KCTD1: variants seen among roughly 807,000 people sequenced by gnomAD.
KCTD1 encodes BTB/POZ domain-containing protein KCTD1.
KCTD1 carries 24 observed loss-of-function variants against 66.0 expected under a neutral mutation model. The ratio of observed to expected loss-of-function variants is 0.36; its 90% CI spans 0.26 to 0.51. The LOEUF (loss-of-function observed/expected upper bound fraction) is 0.51. KCTD1 is among the 20% of genes least tolerant of loss of function. KCTD1 has a pLI of 0.95. For synonymous variants in KCTD1, 511 were observed against 517.2 expected (o/e 0.99, Z 0.16); for missense variants, 943 against 1,205.2 (o/e 0.78, Z 3.22).
At chr18:26,583,729 C>T (rs192840566) in intron 1 of KCTD1, among the ~76,000 whole-genome samples, 9 of 152,256 alleles carry the variant, frequency 5.9e-5, no homozygotes, top group South Asian at 2.1e-4. Context: ...TTTCAGCTAT[C>T]GTTTTGATGA....
intron 2 of KCTD1, among the ~76,000 whole-genome samples, chr18:26,485,022 T>C (rs1981844982): frequency 6.6e-6 from 1 of 152,196 alleles, no homozygotes; most frequent in Admixed American, 6.5e-5. Context: ...GGCACAGTCC[T>C]TCAGTCATGT....
chr18:26,630,986 C>A (rs116084105), upstream of KCTD1, among the ~76,000 whole-genome samples: 1,039 of 152,316 alleles, frequency 6.8e-3, 12 homozygotes, highest in African/African-American at 0.023. Flanking sequence ...ATCCTCCCTA[C>A]ACTTATATAT....
intron 3 of KCTD1, among the ~76,000 whole-genome samples, chr18:26,474,110 T>C (rs1250967315): frequency 6.6e-6 from 1 of 152,224 alleles, no homozygotes; most frequent in Non-Finnish European, 1.5e-5. Context: ...AATAGAAACA[T>C]ACTATACATA....
At chr18:26,566,594 C>A (rs1985985880) in intron 1 of KCTD1, 1 of 152,116 alleles carries the variant, frequency 6.6e-6, no homozygotes, top group African/African-American at 2.4e-5. Flanking sequence ...CTTGACAAAT[C>A]CATTTGGGAA....
At chr18:26,606,546 G>A (rs776344737) in intron 1 of KCTD1, among the ~76,000 whole-genome samples, 4 of 152,174 alleles carry the variant, frequency 2.6e-5, no homozygotes, top group African/African-American at 7.2e-5. Flanking sequence ...TTCTGAGTGA[G>A]AGCCTAAAGA....
In KCTD1 at chr18:26,619,910, CTG is replaced by C. The variant is rs536083671; in HGVS notation, c.-16+9235_-16+9236del. 1.1e-3 allele frequency among the ~76,000 whole-genome samples: 162 copies of C among 152,296 alleles called. 1 individual carries two copies. Among genetic ancestry groups the C allele is most frequent in the African/African-American group, 3.8e-3 (160 of 41,570 alleles). ...GCCTTCTCATTTAAATCACTTTCAA[CTG>C]TGTTTCCTGTTACTTTCAGCCAAAA... On this transcript the variant is annotated intron_variant, in intron 1 of 4. Coordinates refer to the KCTD1 transcript ENST00000317932.
chr18:26,600,591 A>G (rs2144968851), intron 1 of KCTD1, among the ~76,000 whole-genome samples: 1 of 152,120 alleles, frequency 6.6e-6, no homozygotes, highest in East Asian at 1.9e-4. Context: ...ACCTCATGTT[A>G]AGAGAAGGGA....
At chr18:26,631,974 C>T (rs1207870187), upstream of KCTD1, among the ~76,000 whole-genome samples, 3 of 151,938 alleles carry the variant, frequency 2.0e-5, no homozygotes, top group Admixed American at 1.3e-4. Flanking sequence ...GGTGTGAACC[C>T]GGCAGGCGGA....
chr18:26,552,987 CTTTTTTTT>C (rs773910506), upstream of KCTD1, among the ~76,000 whole-genome samples: 8 of 137,194 alleles, frequency 5.8e-5, no homozygotes, highest in Admixed American at 4.4e-4. Flanking sequence ...CTTTTTCTTT[CTTTTTTTT>C]TTTTTTTTCT....
Position 26,455,007 on chromosome 18 carries a change from C to T in KCTD1, c.*736G>A, listed in dbSNP as rs563634613. 6.6e-6 allele frequency: 1 copy of T among 152,630 alleles called. No homozygotes were observed. Among genetic ancestry groups the T allele is most frequent in the Non-Finnish European group, 1.5e-5 (1 of 68,052 alleles). 9.5% of individuals were successfully genotyped at this position (152,630 alleles called of 1,614,324 possible). A position where few individuals can be genotyped will look rare whatever the true frequency, so the allele number is the denominator to read the frequency against. ...TAAACAGAGTTTATTGTATTTAATACATTATAAAATTTGAAAAATTGTAGG... is the reference window on the plus strand; with the variant it reads ...TAAACAGAGTTTATTGTATTTAATATATTATAAAATTTGAAAAATTGTAGG... On this transcript the variant is annotated 3_prime_UTR_variant, in exon 5 of 5. Coordinates refer to ENST00000580059, the MANE Select transcript of KCTD1 (RefSeq NM_001142730.3).
At chr18:26,511,741 T>G (rs1233986530) in intron 1 of KCTD1, among the ~76,000 whole-genome samples, 1 of 152,218 alleles carries the variant, frequency 6.6e-6, no homozygotes, top group African/African-American at 2.4e-5. Context: ...CACTCTCTTA[T>G]TACTAGGCTA....
At chr18:26,465,945 C>G (rs368723006) in intron 3 of KCTD1, among the ~76,000 whole-genome samples, 1 of 152,310 alleles carries the variant, frequency 6.6e-6, no homozygotes, top group African/African-American at 2.4e-5. Context: ...GCCTCGGTGG[C>G]GGCAGCTGAG....
intron 1 of KCTD1, among the ~76,000 whole-genome samples, chr18:26,640,024 A>G (rs1197587185): frequency 6.6e-6 from 1 of 152,064 alleles, no homozygotes; most frequent in African/African-American, 2.4e-5. Context: ...GTTGGTGGGG[A>G]GTGGTTTACA....
rs534012681 is a variant in KCTD1 at position 26,514,930 on chromosome 18, A to C, written c.1810-13680T>G. On this transcript the variant is annotated intron_variant, in intron 1 of 4. Transcript: ENST00000580059. Reference sequence around the variant, plus strand: ...AGGAGCAGATGGGTGAGAAGATATCAGTGAAAGCTTAGATTAAGAAGCAGG... The same window carrying C: ...AGGAGCAGATGGGTGAGAAGATATCCGTGAAAGCTTAGATTAAGAAGCAGG... Among the ~76,000 whole-genome samples the C allele has an allele frequency of 2.6e-5, 4 of 152,346 alleles. No homozygotes were observed. The East Asian group carries it at 7.7e-4, about 29-fold the overall frequency.
At chr18:26,653,805 T>C (rs906529376) in intron 1 of KCTD1, among the ~76,000 whole-genome samples, 2 of 152,238 alleles carry the variant, frequency 1.3e-5, no homozygotes, top group African/African-American at 4.8e-5. Flanking sequence ...GCGAGTTGTG[T>C]CTCACTTCTG....
chr18:26,515,854 C>T (rs1047364310), intron 1 of KCTD1, among the ~76,000 whole-genome samples: 5 of 152,206 alleles, frequency 3.3e-5, no homozygotes, highest in Non-Finnish European at 7.3e-5. Flanking sequence ...CGGCACTGCA[C>T]TAGAGCATTC....
At chr18:26,641,988 T>A (rs1987842684), upstream of KCTD1, among the ~76,000 whole-genome samples, 1 of 152,226 alleles carries the variant, frequency 6.6e-6, no homozygotes, top group African/African-American at 2.4e-5. Flanking sequence ...GACTACCATG[T>A]TCTGAGCACT....
intron 1 of KCTD1, among the ~76,000 whole-genome samples, chr18:26,604,424 A>G (rs1225821154): frequency 6.6e-6 from 1 of 152,226 alleles, no homozygotes; most frequent in Non-Finnish European, 1.5e-5. Flanking sequence ...TACCCAGAGG[A>G]ATATAAATCA....
chr18:26,493,793 T>C (rs1348418610), intron 2 of KCTD1, among the ~76,000 whole-genome samples: 1 of 152,206 alleles, frequency 6.6e-6, no homozygotes, highest in Non-Finnish European at 1.5e-5. Flanking sequence ...TACTAGGTCT[T>C]ACTCGTTCTT....
Sources: allele counts gnomAD v4.1 joint callset (sites outside exome capture counted in the v4.1 genomes callset), GRCh38; gene constraint gnomAD v4.1.1; transcripts MANE v1.5; gene names NCBI Gene and HGNC (gene_info 2026-07-23, HGNC 2026-07-21).